XKR4: variants seen among roughly 807,000 people sequenced by gnomAD.
The protein encoded by XKR4 is XK-related protein 4.
Under a neutral mutation model 53.9 loss-of-function variants are expected in XKR4, and 12 were observed. That is an observed-to-expected ratio of 0.22 (90% CI 0.14 to 0.36). The LOEUF is 0.36. Ranked by LOEUF, XKR4 falls within the 10% of genes least tolerant of loss-of-function variation. The pLI is 1.00. For missense variants in XKR4, 799 were observed against 859.5 expected (o/e 0.93, Z 0.88); for synonymous variants, 354 against 362.4 (o/e 0.98, Z 0.26).
intron 1 of XKR4, among the ~76,000 whole-genome samples, chr8:55,163,820 G>A (rs1005490016): frequency 3.9e-5 from 6 of 152,178 alleles, no homozygotes; most frequent in African/African-American, 1.4e-4. Context: ...ACTCCAGCCT[G>A]GGCAATAGAA....
chr8:55,513,694 G>A (rs933901679), intron 2 of XKR4, among the ~76,000 whole-genome samples: 2 of 152,210 alleles, frequency 1.3e-5, no homozygotes, highest in African/African-American at 4.8e-5. Context: ...GGTTTGTTTG[G>A]TTGTTTGGCT....
chr8:55,141,985 A>G, intron 1 of XKR4: 1 of 431,302 alleles, frequency 2.3e-6, no homozygotes, highest in South Asian at 1.7e-5. Context: ...CTCTATTTCC[A>G]GGGGTGATAA....
chr8:55,334,694 T>C (rs1803433329), intron 1 of XKR4, among the ~76,000 whole-genome samples: 1 of 152,172 alleles, frequency 6.6e-6, no homozygotes, highest in Non-Finnish European at 1.5e-5. Context: ...ACTGATGACC[T>C]GATGGCCTGA....
chr8:55,489,732 A>T (rs1806246611), intron 2 of XKR4, among the ~76,000 whole-genome samples: 1 of 152,110 alleles, frequency 6.6e-6, no homozygotes, highest in Non-Finnish European at 1.5e-5. Context: ...TCCTAGATAT[A>T]TGTCACCCAT....
At chr8:55,196,368 A>C (rs1310132162) in intron 1 of XKR4, among the ~76,000 whole-genome samples, 1 of 151,932 alleles carries the variant, frequency 6.6e-6, no homozygotes, top group Non-Finnish European at 1.5e-5. Context: ...TTTTTAGTAG[A>C]GATGGGGTTT....
chr8:55,318,734 C>T (rs893902160), intron 1 of XKR4, among the ~76,000 whole-genome samples: 33 of 152,214 alleles, frequency 2.2e-4, no homozygotes, highest in South Asian at 2.1e-4. Context: ...AAAACATACA[C>T]GCAGAACATT....
In XKR4 at chr8:55,309,599, G is replaced by C. The variant is rs1819359833; in HGVS notation, c.807-48079G>C. 3.9e-5 allele frequency among the ~76,000 whole-genome samples: 6 copies of C among 152,318 alleles called. No homozygotes were observed. In the South Asian group the frequency reaches 1.2e-3, roughly 32 times the overall value. On this transcript the variant is annotated intron_variant, in intron 1 of 2. Transcript: ENST00000327381. Reference sequence around the variant, plus strand: ...TACAAGTGAAATGAGAGAAATATAAGTAAGATTGGTGGAGTGTTATCATGT... The same window carrying C: ...TACAAGTGAAATGAGAGAAATATAACTAAGATTGGTGGAGTGTTATCATGT...
intron 1 of XKR4, among the ~76,000 whole-genome samples, chr8:55,130,769 C>T (rs973344239): frequency 2.0e-5 from 3 of 152,094 alleles, no homozygotes; most frequent in African/African-American, 7.2e-5. Flanking sequence ...GGACATGACA[C>T]AAGTTTCTTT....
At chr8:55,378,045 C>T (rs1180432511) in intron 2 of XKR4, among the ~76,000 whole-genome samples, 2 of 152,194 alleles carry the variant, frequency 1.3e-5, no homozygotes, top group Non-Finnish European at 2.9e-5. Flanking sequence ...TTAAAAGTAA[C>T]AGGGCTTGAG....
intron 1 of XKR4, among the ~76,000 whole-genome samples, chr8:55,215,239 C>T (rs997225654): frequency 6.6e-6 from 1 of 152,196 alleles, no homozygotes; most frequent in African/African-American, 2.4e-5. Context: ...TCATAACTTG[C>T]CCAAACATGT....
At chr8:55,335,386 T>G (rs1478749357) in intron 1 of XKR4, among the ~76,000 whole-genome samples, 1 of 152,098 alleles carries the variant, frequency 6.6e-6, no homozygotes, top group African/African-American at 2.4e-5. Flanking sequence ...GACATACACA[T>G]GGCAATATCT....
intron 2 of XKR4, among the ~76,000 whole-genome samples, chr8:55,422,709 T>C (rs936296807): frequency 6.6e-6 from 1 of 152,184 alleles, no homozygotes; most frequent in Non-Finnish European, 1.5e-5. Context: ...CATGAGAAAC[T>C]TCAAGCACTG....
rs143583468 is a variant in XKR4 at position 55,267,373 on chromosome 8, A to G, written c.807-90305A>G. On this transcript the variant is annotated intron_variant, in intron 1 of 2. Coordinates refer to ENST00000327381, the MANE Select transcript of XKR4 (RefSeq NM_052898.2). ...GCATATAATGTAAACTGCTTTTTCC[A>G]GCAACCCTGTGGAGTAAGTGTAGTG... Among the ~76,000 whole-genome samples the G allele has an allele frequency of 2.2e-3, 341 of 152,334 alleles. 1 individual carries two copies. Among genetic ancestry groups the G allele is most frequent in the African/African-American group, 7.7e-3 (320 of 41,572 alleles).
chr8:55,287,501 C>T (rs1818924449), intron 1 of XKR4, among the ~76,000 whole-genome samples: 1 of 152,202 alleles, frequency 6.6e-6, no homozygotes, highest in Admixed American at 6.5e-5. Context: ...CTTAGGATCC[C>T]AGCCAGGGAA....
intron 1 of XKR4, among the ~76,000 whole-genome samples, chr8:55,352,410 A>G (rs1161684237): frequency 6.6e-6 from 1 of 152,248 alleles, no homozygotes. Context: ...AAGAAAGGTT[A>G]AAACTAAAAG....
At chr8:55,262,574 G>T (rs775717935) in intron 1 of XKR4, among the ~76,000 whole-genome samples, 5 of 152,342 alleles carry the variant, frequency 3.3e-5, no homozygotes, top group Middle Eastern at 6.8e-3. Flanking sequence ...CTGAGGAAAG[G>T]CCATGTAGGG....
intron 2 of XKR4, among the ~76,000 whole-genome samples, chr8:55,500,767 C>G (rs1274827794): frequency 1.3e-5 from 2 of 152,156 alleles, no homozygotes; most frequent in Non-Finnish European, 2.9e-5. Context: ...CCCTGCAAAA[C>G]CCCTAAAAAA....
At chr8:55,349,212 G>T (rs1388836172) in intron 1 of XKR4, among the ~76,000 whole-genome samples, 1 of 152,152 alleles carries the variant, frequency 6.6e-6, no homozygotes, top group Non-Finnish European at 1.5e-5. Context: ...TAATTCCCCA[G>T]AGTTCTGGAA....
At chr8:55,144,360 C>CA (rs1056139277) in intron 1 of XKR4, among the ~76,000 whole-genome samples, 6 of 151,000 alleles carry the variant, frequency 4.0e-5, no homozygotes, top group South Asian at 2.1e-4. Context: ...GTATGGAAAA[C>CA]AAAAAAAATT....
Sources: gnomAD v4.1 joint callset for allele counts (sites outside exome capture counted in the v4.1 genomes callset) on GRCh38, gnomAD v4.1.1 for gene constraint, MANE v1.5 for transcripts, NCBI Gene and HGNC (gene_info 2026-07-23, HGNC 2026-07-21) for gene names.